The following CLEC18B variants were observed in gnomAD, a reference collection of about 807,000 sequenced individuals.
The protein encoded by CLEC18B is mannose receptor-like 2.
CLEC18B carries 5 observed loss-of-function variants against 60.4 expected under a neutral mutation model. The observed-to-expected ratio is 0.08, with a 90% CI of 0.04 to 0.17. The LOEUF is 0.17. Among genes scored for constraint, CLEC18B ranks in the 10% least tolerant of loss-of-function variants. The probability of loss-of-function intolerance (pLI) is 1.00; values close to 1 mark genes in which losing one functional copy is unlikely to be tolerated. For synonymous variants in CLEC18B, 16 were observed against 221.2 expected, an observed-to-expected ratio of 0.07 and a Z score of 8.23; for missense variants, 26 against 572.8, an observed-to-expected ratio of 0.05 and a Z score of 9.74.
At chr16:74,419,965 T>G (rs2013604309) in intron 2 of CLEC18B, among the ~76,000 whole-genome samples, 2 of 152,266 alleles carry the variant, frequency 1.3e-5, no homozygotes, top group East Asian at 1.9e-4. Flanking sequence ...GGTGGGGAAC[T>G]CTATACCCCC....
upstream of CLEC18B, among the ~76,000 whole-genome samples, chr16:74,424,238 CTTG>C (rs1165116381): frequency 2.3e-5 from 3 of 131,540 alleles, no homozygotes; most frequent in Admixed American, 9.9e-5. Flanking sequence ...GCCTTGAAAT[CTTG>C]TTGATGGTCT....
At position 74,421,417 on chromosome 16, in the gene CLEC18B, G is replaced by A. The variant is rs2013683961; in HGVS notation, c.-147C>T. 6.4e-7 allele frequency: 1 copy of A among 1,572,964 alleles called. No individual in the cohort carries two copies. The highest frequency in any genetic ancestry group is 8.6e-7 in the Non-Finnish European group (1 of 1,161,916). On this transcript the variant is annotated 5_prime_UTR_variant, in exon 1 of 12. Transcript: ENST00000682950. ...GGGGGGCTGGTGAACAAAAGAAGGA[G>A]GCTGGTGAGTGAGTAATCAGTGTGT...
chr16:74,410,055 C>T (rs1339627525), intron 10 of CLEC18B, among the ~76,000 whole-genome samples: 2 of 152,276 alleles, frequency 1.3e-5, no homozygotes, highest in African/African-American at 2.4e-5. Flanking sequence ...CACCTCCACC[C>T]TGGCCCTGGG....
rs769228665 is a variant in CLEC18B at position 74,409,577 on chromosome 16, T to C, written c.1276A>G (p.Thr426Ala). The C allele has an allele frequency of 6.2e-7, 1 of 1,613,604 alleles. No individual in the cohort carries two copies. Among genetic ancestry groups the C allele is most frequent in the Non-Finnish European group, 8.5e-7 (1 of 1,179,852 alleles). Residue 426 changes from threonine (T) to alanine (A), a missense_variant, in exon 11 of 12, where the codon ACC becomes GCC. Coordinates refer to ENST00000682950, the MANE Select transcript of CLEC18B (RefSeq NM_001385193.1). The stretch of plus-strand genomic sequence containing the variant: ...AACTGGCAGATGTAACGGTTTCGGG[T>C]TTTGCAGCGCTGGTCGTTCCAGTTG... ...AFNWNDQRCKTRNRYICQFAQ... is the reference protein window; with the variant it reads ...AFNWNDQRCKARNRYICQFAQ...
At chr16:74,421,537 G>A (rs1259940778), upstream of CLEC18B, 3 of 447,760 alleles carry the variant, frequency 6.7e-6, no homozygotes, top group Non-Finnish European at 8.1e-6. Flanking sequence ...GCCCCCGACA[G>A]CAGGCAGAGT....
intron 2 of CLEC18B, among the ~76,000 whole-genome samples, chr16:74,419,982 T>A (rs2549226): frequency 6.6e-6 from 1 of 152,368 alleles, no homozygotes; most frequent in Admixed American, 6.5e-5. Context: ...CCCCGACCCC[T>A]GGCCCCTGCT....
chr16:74,418,862 C>G (rs527562468), intron 2 of CLEC18B, among the ~76,000 whole-genome samples: 1 of 150,506 alleles, frequency 6.6e-6, no homozygotes, highest in East Asian at 2.0e-4. Context: ...GGAGAAATCC[C>G]GGCTTACTGC....
At chr16:74,423,695 G>A (rs2013754465), upstream of CLEC18B, among the ~76,000 whole-genome samples, 1 of 103,770 alleles carries the variant, frequency 9.6e-6, no homozygotes, top group East Asian at 3.6e-4. Flanking sequence ...TCCCACCCCC[G>A]ACCCCTCAAA....
At chr16:74,413,931 G>T (rs1294274145) in intron 3 of CLEC18B, among the ~76,000 whole-genome samples, 1 of 152,302 alleles carries the variant, frequency 6.6e-6, no homozygotes, top group Non-Finnish European at 1.5e-5. Context: ...GGAGTGCAAT[G>T]GCCTGATCTT....
At chr16:74,422,325 A>C (rs1287657488), upstream of CLEC18B, 1 of 152,498 alleles carries the variant, frequency 6.6e-6, no homozygotes, top group Non-Finnish European at 1.5e-5. Context: ...ACCAGGGCAA[A>C]GGACAGCCTT....
chr16:74,409,250 G>A (rs1427782711), intron 11 of CLEC18B, among the ~76,000 whole-genome samples: 6 of 119,198 alleles, frequency 5.0e-5, no homozygotes. Flanking sequence ...GAACACCAAG[G>A]AACCCAACAG....
chr16:74,423,702 C>CAA (rs377282706), upstream of CLEC18B, among the ~76,000 whole-genome samples: 85 of 102,922 alleles, frequency 8.3e-4, no homozygotes, highest in South Asian at 3.0e-3. Context: ...CCCGACCCCT[C>CAA]AAAAAAAAAA....
upstream of CLEC18B, chr16:74,422,023 AG>A (rs1265184085): frequency 5.9e-5 from 8 of 135,800 alleles, no homozygotes; most frequent in South Asian, 3.0e-4. Flanking sequence ...ACTACAGGCC[AG>A]GGGGGGAGTG....
At position 74,421,285 on chromosome 16, in the gene CLEC18B, C is replaced by A. The variant is rs531209204; in HGVS notation, c.-15G>T. The A allele has an allele frequency of 6.2e-7, 1 of 1,604,214 alleles. No homozygotes were observed. Among genetic ancestry groups the A allele is most frequent in the African/African-American group, 1.3e-5 (1 of 74,390 alleles). ...GGATGCAGCATGGGTCTGTTGGGCCCGTCAGGCGCTCCGTGCACAGCCTGG... is the reference window on the plus strand; with the variant it reads ...GGATGCAGCATGGGTCTGTTGGGCCAGTCAGGCGCTCCGTGCACAGCCTGG... On this transcript the variant is annotated 5_prime_UTR_variant, in exon 1 of 12. Coordinates refer to ENST00000682950, the MANE Select transcript of CLEC18B (RefSeq NM_001385193.1).
intron 3 of CLEC18B, among the ~76,000 whole-genome samples, chr16:74,413,991 G>A (rs1192649089): frequency 6.6e-6 from 1 of 152,306 alleles, no homozygotes; most frequent in Admixed American, 6.5e-5. Context: ...TCCTGCCTCA[G>A]CCTCCCGAGT....
chr16:74,422,398 C>T (rs545445108), upstream of CLEC18B: 11 of 152,132 alleles, frequency 7.2e-5, no homozygotes, highest in South Asian at 2.1e-4. Flanking sequence ...CCCACACCCT[C>T]TCGGAGCGGG....
chr16:74,418,147 A>G lies in CLEC18B; in HGVS notation c.368T>C (p.Val123Ala). 6.6e-7 allele frequency: 1 copy of G among 1,526,618 alleles called. No individual in the cohort carries two copies. Among genetic ancestry groups the G allele is most frequent in the Non-Finnish European group, 8.9e-7 (1 of 1,126,428 alleles). 94.6% of individuals were successfully genotyped at this position (1,526,618 alleles called of 1,614,324 possible). A position where few individuals can be genotyped will look rare whatever the true frequency, so the allele number is the denominator to read the frequency against. The change falls in exon 3 of 12, where the codon GTG (valine) becomes GCG (alanine). Residue 123 changes from valine to alanine, a missense_variant. Transcript: ENST00000682950. The stretch of plus-strand genomic sequence containing the variant: ...CCCCTCTGCAAACCACAGGCTGACC[A>G]CTTCAACAAAGGACGCCAAGCCCGC... ...LPAGLASFVE[V>A]VSLWFAEGQR...
chr16:74,414,753 C>T (rs1597182260), intron 3 of CLEC18B, among the ~76,000 whole-genome samples: 1 of 131,936 alleles, frequency 7.6e-6, no homozygotes, highest in East Asian at 2.4e-4. Flanking sequence ...GCAATAAAAC[C>T]TAATGGATAC....
At chr16:74,422,801 A>G (rs1431658170), upstream of CLEC18B, among the ~76,000 whole-genome samples, 2 of 152,218 alleles carry the variant, frequency 1.3e-5, no homozygotes, top group Admixed American at 1.3e-4. Flanking sequence ...AGTAGCTGGG[A>G]CCAGGTGTGT....
Sources: gnomAD v4.1 joint callset for allele counts (sites outside exome capture counted in the v4.1 genomes callset) on GRCh38, gnomAD v4.1.1 for gene constraint, MANE v1.5 for transcripts, NCBI Gene and HGNC (gene_info 2026-07-23, HGNC 2026-07-21) for gene names.